The following SLC25A48 variants were observed in gnomAD, a reference collection of about 807,000 sequenced individuals.
SLC25A48 encodes CTC-321K16.1.
A neutral mutation model predicts 32.2 loss-of-function variants in SLC25A48; 29 were observed. The ratio of observed to expected loss-of-function variants is 0.90; its 90% CI spans 0.67 to 1.23. The LOEUF (loss-of-function observed/expected upper bound fraction) is 1.23, where lower values mean the gene tolerates loss of function less well. SLC25A48 is among the 50% of genes most tolerant of loss of function. The probability of loss-of-function intolerance (pLI) is 0.00; values close to 1 mark genes in which losing one functional copy is unlikely to be tolerated. For synonymous variants in SLC25A48, 164 were observed against 172.3 expected, an observed-to-expected ratio of 0.95 and a Z score of 0.38; for missense variants, 399 against 422.7, an observed-to-expected ratio of 0.94 and a Z score of 0.49.
intron 3 of SLC25A48, 144 bp downstream of exon 3, chr5:135,850,640 A>C: frequency 2.9e-6 from 2 of 699,440 alleles, no homozygotes; most frequent in Non-Finnish European, 4.9e-6. Context: ...ACTTCATCTC[A>C]CACCACACCT....
chr5:135,789,971 C>G (rs1299296183), intron 3 of SLC25A48, among the ~76,000 whole-genome samples: 1 of 151,848 alleles, frequency 6.6e-6, no homozygotes, highest in Non-Finnish European at 1.5e-5. Flanking sequence ...AGTAACATTT[C>G]AGTATAATAC....
chr5:135,642,529 G>A (rs1230107212), intron 3 of SLC25A48, among the ~76,000 whole-genome samples: 2 of 152,210 alleles, frequency 1.3e-5, no homozygotes, highest in African/African-American at 4.8e-5. Flanking sequence ...GGAAATAGAT[G>A]TATTTGCAAT....
At chr5:135,818,549 C>T (rs1434452329) in intron 4 of SLC25A48, among the ~76,000 whole-genome samples, 1 of 152,188 alleles carries the variant, frequency 6.6e-6, no homozygotes, top group Non-Finnish European at 1.5e-5. Context: ...AGACGAAAGA[C>T]AAGACAGAAC....
chr5:135,837,068 T>A (rs1003456097), intron 1 of SLC25A48, among the ~76,000 whole-genome samples: 117 of 145,338 alleles, frequency 8.1e-4, no homozygotes, highest in African/African-American at 2.5e-3. Context: ...CCCATTTTTT[T>A]AAATCTCAAA....
intron 4 of SLC25A48, among the ~76,000 whole-genome samples, chr5:135,816,242 G>C (rs1019823073): frequency 2.0e-5 from 3 of 152,162 alleles, no homozygotes; most frequent in Non-Finnish European, 2.9e-5. Flanking sequence ...TTGGAGATTA[G>C]ATTTGGGTGG....
At chr5:135,707,967 G>A (rs983883464) in intron 3 of SLC25A48, among the ~76,000 whole-genome samples, 2 of 152,140 alleles carry the variant, frequency 1.3e-5, no homozygotes, top group African/African-American at 4.8e-5. Context: ...TGGATGGATG[G>A]ATTGGCTAGT....
chr5:135,712,049 C>T (rs562989415), intron 3 of SLC25A48, among the ~76,000 whole-genome samples: 5 of 152,104 alleles, frequency 3.3e-5, no homozygotes, highest in Non-Finnish European at 7.4e-5. Context: ...TGGCCTTGAC[C>T]CTGAATTGTC....
intron 3 of SLC25A48, among the ~76,000 whole-genome samples, chr5:135,746,619 C>T (rs933275880): frequency 1.3e-5 from 2 of 152,222 alleles, no homozygotes; most frequent in Admixed American, 1.3e-4. Context: ...TGTTCCTTTT[C>T]AGGGATTTCC....
At chr5:135,883,301 G>T (rs1443396083) in intron 7 of SLC25A48, 3 of 985,326 alleles carry the variant, frequency 3.0e-6, no homozygotes, top group Non-Finnish European at 3.6e-6. Flanking sequence ...TTCCAGCTTT[G>T]GACCTGCACC....
chr5:135,717,394 C>T lies in SLC25A48; in HGVS notation c.-521+82438C>T, dbSNP rs368234303. Reference sequence around the variant, plus strand: ...TGTCTTGTACCAGGGCCCGTCCACCCCAGAGCAGATGCTGAGATCTTTGTG... The same window carrying T: ...TGTCTTGTACCAGGGCCCGTCCACCTCAGAGCAGATGCTGAGATCTTTGTG... On this transcript the variant is annotated intron_variant, in intron 3 of 10. Transcript: ENST00000646290. 2.6e-5 allele frequency among the ~76,000 whole-genome samples: 4 copies of T among 152,156 alleles called. 1 individual carries two copies. In the East Asian group the frequency reaches 7.7e-4, roughly 29 times the overall value.
intron 3 of SLC25A48, among the ~76,000 whole-genome samples, chr5:135,788,693 G>GGC (rs1756925285): frequency 7.0e-6 from 1 of 143,454 alleles, no homozygotes; most frequent in Non-Finnish European, 1.5e-5. Context: ...AATATCCAGG[G>GGC]GGGGAAGAGG....
intron 3 of SLC25A48, among the ~76,000 whole-genome samples, chr5:135,785,179 TATC>T (rs1304579705): frequency 6.6e-6 from 1 of 152,134 alleles, no homozygotes; most frequent in African/African-American, 2.4e-5. Flanking sequence ...AGGGAGATAA[TATC>T]ATTGCCAAAA....
chr5:135,750,341 C>T (rs1755739763), intron 3 of SLC25A48, among the ~76,000 whole-genome samples: 2 of 152,170 alleles, frequency 1.3e-5, no homozygotes, highest in African/African-American at 4.8e-5. Context: ...CACCTGGGCT[C>T]CCTTAATGTG....
chr5:135,728,106 A>C (rs947216504), intron 3 of SLC25A48, among the ~76,000 whole-genome samples: 1 of 152,152 alleles, frequency 6.6e-6, no homozygotes, highest in African/African-American at 2.4e-5. Flanking sequence ...AAATACAACA[A>C]TTAGCTGGGC....
intron 3 of SLC25A48, among the ~76,000 whole-genome samples, chr5:135,696,174 T>C (rs1424410298): frequency 1.3e-5 from 2 of 152,202 alleles, no homozygotes; most frequent in Non-Finnish European, 2.9e-5. Context: ...TCAGGAAGTG[T>C]CAGCAGAATG....
At chr5:135,627,980 C>T (rs2126904476) in intron 1 of SLC25A48, among the ~76,000 whole-genome samples, 1 of 152,284 alleles carries the variant, frequency 6.6e-6, no homozygotes, top group Admixed American at 6.5e-5. Context: ...CCCCTGCACA[C>T]TGAGAATGCT....
intron 3 of SLC25A48, among the ~76,000 whole-genome samples, chr5:135,750,983 A>G (rs545580717): frequency 6.6e-6 from 1 of 152,328 alleles, no homozygotes; most frequent in Non-Finnish European, 1.5e-5. Flanking sequence ...GAGCCACCTC[A>G]GTGCTCTCAG....
At chr5:135,664,481 T>TG (rs1753475560) in intron 3 of SLC25A48, among the ~76,000 whole-genome samples, 1 of 152,230 alleles carries the variant, frequency 6.6e-6, no homozygotes, top group African/African-American at 2.4e-5. Flanking sequence ...AAGTGGTTTT[T>TG]GGTTACATAA....
At chr5:135,828,841 TG>T (rs1441957265) in intron 4 of SLC25A48, among the ~76,000 whole-genome samples, 1 of 152,224 alleles carries the variant, frequency 6.6e-6, no homozygotes, top group Non-Finnish European at 1.5e-5. Flanking sequence ...CCTACAGCCA[TG>T]GGGGCTTTGG....
Sources: gnomAD v4.1 joint callset for allele counts (sites outside exome capture counted in the v4.1 genomes callset) on GRCh38, gnomAD v4.1.1 for gene constraint, MANE v1.5 for transcripts, NCBI Gene and HGNC (gene_info 2026-07-23, HGNC 2026-07-21) for gene names.